The following MYOM1 variants were observed in gnomAD, a reference collection of about 807,000 sequenced individuals.
MYOM1 encodes the protein myomesin 1.
In MYOM1, 164 loss-of-function variants were observed where a neutral mutation model predicts 205.3. The ratio of observed to expected loss-of-function variants is 0.80; its 90% confidence interval spans 0.70 to 0.91. MYOM1 has a LOEUF of 0.91. Ranked by LOEUF, MYOM1 falls within the 40% of genes least tolerant of loss-of-function variation. The probability of loss-of-function intolerance (pLI) is 0.00; values close to 1 mark genes in which losing one functional copy is unlikely to be tolerated. For synonymous variants in MYOM1, 772 were observed against 789.4 expected, an observed-to-expected ratio of 0.98 and a Z score of 0.37; for missense variants, 2,011 against 2,127.3, an observed-to-expected ratio of 0.95 and a Z score of 1.08.
chr18:3,109,855 G>A (rs1007943560), intron 22 of MYOM1, among the ~76,000 whole-genome samples: 1 of 151,910 alleles, frequency 6.6e-6, no homozygotes, highest in Admixed American at 6.6e-5. Flanking sequence ...CCAACTCCTG[G>A]GCTCAAGTGA....
At chr18:3,070,920 G>A (rs967164702) in intron 37 of MYOM1, among the ~76,000 whole-genome samples, 13 of 151,986 alleles carry the variant, frequency 8.6e-5, no homozygotes, top group Admixed American at 2.6e-4. Flanking sequence ...CACTACATTT[G>A]GCTAAATTTT....
chr18:3,146,044 A>G (rs2080117863), intron 13 of MYOM1, among the ~76,000 whole-genome samples: 1 of 152,124 alleles, frequency 6.6e-6, no homozygotes, highest in Non-Finnish European at 1.5e-5. Flanking sequence ...CTCAAGAAAA[A>G]GTAAATAACC....
intron 12 of MYOM1, 62 bp downstream of exon 12, chr18:3,151,632 C>T: frequency 7.0e-7 from 1 of 1,430,362 alleles, no homozygotes; most frequent in Non-Finnish European, 9.5e-7. Context: ...TGCAATGAAG[C>T]TGATTCTTGC....
chr18:3,072,905 G>T (rs576180369), intron 36 of MYOM1, among the ~76,000 whole-genome samples: 1 of 150,660 alleles, frequency 6.6e-6, no homozygotes, highest in Non-Finnish European at 1.5e-5. Flanking sequence ...GTTTCCATAT[G>T]ATGAGAAAAG....
At chr18:3,190,513 T>C (rs928784462) in intron 3 of MYOM1, 7 of 152,212 alleles carry the variant, frequency 4.6e-5, no homozygotes, top group African/African-American at 1.7e-4. Flanking sequence ...TCTGACTAAA[T>C]GTAGTGAGTA....
Position 3,075,469 on chromosome 18 carries a change from C to T in MYOM1, c.4693G>A (p.Ala1565Thr), listed in dbSNP as rs1478051539. The T allele has an allele frequency of 2.5e-6, 4 of 1,609,226 alleles. No homozygotes were observed. Among genetic ancestry groups the T allele is most frequent in the East Asian group, 2.2e-5 (1 of 44,698 alleles). Residue 1565 changes from alanine to threonine, a missense_variant, in exon 36 of 38, where the codon GCC becomes ACC. Physicochemically the swap from Ala to Thr is moderately conservative, Grantham distance 58 (BLOSUM62 0). Transcript: ENST00000356443. ...GTTTACTTACTTTTCTCGGCAATGG[C>T]AGCTTGTCTGTGGTTGAGAGAAACG... ...YAEFQRLKQA[A>T]IAEKNRARVL...
At chr18:3,201,871 T>C (rs2144210526) in intron 2 of MYOM1, among the ~76,000 whole-genome samples, 1 of 152,206 alleles carries the variant, frequency 6.6e-6, no homozygotes, top group South Asian at 2.1e-4. Flanking sequence ...CTCAAACTCT[T>C]GAGCTCAAGT....
intron 26 of MYOM1, among the ~76,000 whole-genome samples, chr18:3,091,053 C>T (rs369847492): frequency 5.3e-5 from 8 of 152,082 alleles, no homozygotes; most frequent in South Asian, 2.1e-4. Flanking sequence ...CAGTGGCTCA[C>T]GCCTGTAATC....
At chr18:3,138,795 T>C (rs1279568643) in intron 14 of MYOM1, among the ~76,000 whole-genome samples, 1 of 152,220 alleles carries the variant, frequency 6.6e-6, no homozygotes, top group Non-Finnish European at 1.5e-5. Flanking sequence ...GGAGGTAGTA[T>C]TGTATGATTG....
upstream of MYOM1, among the ~76,000 whole-genome samples, chr18:3,221,181 ATTTT>A (rs917948126): frequency 6.8e-6 from 1 of 148,070 alleles, no homozygotes; most frequent in African/African-American, 2.5e-5. Flanking sequence ...CACTCGGCTA[ATTTT>A]TTTTTTTAAC....
rs1306648993 is a variant in MYOM1 at position 3,164,346 on chromosome 18, C to A, written c.1433G>T (p.Gly478Val). ...CATCCGTACACGGATTGTATAGAGG[C>A]CTTCATCTTCTTTGTTGAGATGGGA... ...TFSHLNKEDEGLYTIRVRMGE... is the reference protein window; with the variant it reads ...TFSHLNKEDEVLYTIRVRMGE... The change falls in exon 10 of 38, where the codon GGC (glycine) becomes GTC (valine). Residue 478 changes from glycine (G) to valine (V), a missense_variant. Transcript: ENST00000356443. 3.1e-6 allele frequency: 5 copies of A among 1,612,262 alleles called. No individual in the cohort carries two copies. Among genetic ancestry groups the A allele is most frequent in the Non-Finnish European group, 4.2e-6 (5 of 1,179,120 alleles).
intron 27 of MYOM1, 127 bp from the exon 28 acceptor site, chr18:3,089,723 T>A (rs1475691961): frequency 1.6e-6 from 1 of 607,512 alleles, no homozygotes; most frequent in Non-Finnish European, 2.6e-6. Flanking sequence ...CCTGCTCATT[T>A]TTTATCTTTA....
At chr18:3,094,593 G>C (rs1277594268) in intron 25 of MYOM1, among the ~76,000 whole-genome samples, 1 of 152,084 alleles carries the variant, frequency 6.6e-6, no homozygotes, top group Non-Finnish European at 1.5e-5. Flanking sequence ...ACCTCTAGGG[G>C]CATAGGGGCA....
At chr18:3,132,508 T>TA (rs909806299) in intron 16 of MYOM1, among the ~76,000 whole-genome samples, 1 of 152,132 alleles carries the variant, frequency 6.6e-6, no homozygotes, top group Non-Finnish European at 1.5e-5. Context: ...GAAGGTTTGT[T>TA]ATATTGGTAA....
At chr18:3,117,527 G>C (rs973864541) in intron 20 of MYOM1, among the ~76,000 whole-genome samples, 1 of 152,154 alleles carries the variant, frequency 6.6e-6, no homozygotes, top group African/African-American at 2.4e-5. Context: ...CCCTCTGCAG[G>C]GAGAAAGCCA....
chr18:3,200,226 T>C (rs1002215152), intron 2 of MYOM1, among the ~76,000 whole-genome samples: 3 of 151,900 alleles, frequency 2.0e-5, no homozygotes, highest in African/African-American at 2.4e-5. Context: ...AAAACCAAAA[T>C]ACAGCAACAA....
chr18:3,204,614 A>G (rs1364099705), intron 2 of MYOM1, among the ~76,000 whole-genome samples: 2 of 151,982 alleles, frequency 1.3e-5, no homozygotes, highest in Non-Finnish European at 2.9e-5. Flanking sequence ...ATGGAATGGA[A>G]AACTCAACAT....
At chr18:3,127,301 A>ATG (rs1474813075) in intron 18 of MYOM1, among the ~76,000 whole-genome samples, 1 of 47,910 alleles carries the variant, frequency 2.1e-5, no homozygotes, top group Non-Finnish European at 3.7e-5. Flanking sequence ...ATATATATAT[A>ATG]TATATTTTTT....
chr18:3,173,440 C>T (rs1340843431), intron 8 of MYOM1, among the ~76,000 whole-genome samples: 2 of 152,154 alleles, frequency 1.3e-5, no homozygotes, highest in Non-Finnish European at 2.9e-5. Context: ...GTGCCATGGC[C>T]TCACCCAGGA....
Sources: gnomAD v4.1 joint callset for allele counts (sites outside exome capture counted in the v4.1 genomes callset) on GRCh38, gnomAD v4.1.1 for gene constraint, MANE v1.5 for transcripts, NCBI Gene and HGNC (gene_info 2026-07-23, HGNC 2026-07-21) for gene names.